The following SLC7A8 variants were observed in gnomAD, a reference collection of about 807,000 sequenced individuals.
The protein encoded by SLC7A8 is solute carrier family 7 member 8, also known as large neutral amino acids transporter small subunit 2.
SLC7A8 carries 30 observed loss-of-function variants against 51.2 expected under a neutral mutation model. The ratio of observed to expected loss-of-function variants is 0.59; its 90% confidence interval spans 0.44 to 0.80. The LOEUF is 0.80. Among genes scored for constraint, SLC7A8 ranks in the 30% least tolerant of loss-of-function variants. The pLI, the probability that SLC7A8 is intolerant of heterozygous loss-of-function variation, is 0.00. For missense variants in SLC7A8, 612 were observed against 674.4 expected, an observed-to-expected ratio of 0.91 and a Z score of 1.03; for synonymous variants, 257 against 275.8, an observed-to-expected ratio of 0.93 and a Z score of 0.67.
At chr14:23,178,263 G>A (rs533951800) in intron 1 of SLC7A8, among the ~76,000 whole-genome samples, 4 of 152,232 alleles carry the variant, frequency 2.6e-5, no homozygotes, top group East Asian at 1.9e-4. Flanking sequence ...GCTGTCCTCC[G>A]CACCCTCTTT....
At position 23,128,238 on chromosome 14, in the gene SLC7A8, C is replaced by T. The variant is rs201328469; in HGVS notation, c.1264-42G>A. ...TGAGGCGTATGAACTGTGTAGGCCA[C>T]GTGGCCCCCAGGACTAGGGACTGGG... is the stretch of plus-strand genomic sequence containing the variant. On this transcript the variant is annotated intron_variant, in intron 9 of 10. Coordinates refer to ENST00000316902, the MANE Select transcript of SLC7A8 (RefSeq NM_012244.4). This position sits in a 1 kb window ranked among gnomAD's most constrained non-coding sequence, Gnocchi z 4.3. The T allele has an allele frequency of 2.7e-4, 435 of 1,610,428 alleles. 1 individual carries two copies. The African/African-American group carries it at 4.2e-3, about 16-fold the overall frequency.
intron 3 of SLC7A8, among the ~76,000 whole-genome samples, chr14:23,162,055 G>A (rs1345528628): frequency 1.9e-4 from 28 of 150,682 alleles, no homozygotes; most frequent in Middle Eastern, 3.2e-3. Flanking sequence ...AAAGAAGAGA[G>A]GATTTGAGGG....
intron 3 of SLC7A8, 133 bp from the exon 4 acceptor site, chr14:23,143,337 C>T (rs1290083657): frequency 2.4e-6 from 3 of 1,264,582 alleles, no homozygotes; most frequent in Non-Finnish European, 3.3e-6. Flanking sequence ...CCAGCAAGCT[C>T]AACCCCAGGG....
chr14:23,182,630 T>G, intron 1 of SLC7A8, 134 bp downstream of exon 1: 4 of 918,228 alleles, frequency 4.4e-6, no homozygotes, highest in South Asian at 2.4e-5. Flanking sequence ...CCAGTGGAGG[T>G]GAGTTACAGC....
intron 1 of SLC7A8, among the ~76,000 whole-genome samples, chr14:23,179,574 G>A (rs1339668373): frequency 2.0e-5 from 3 of 151,872 alleles, no homozygotes; most frequent in South Asian, 4.2e-4. Context: ...CTGATAGGCC[G>A]AGGTGGGAGG....
intron 3 of SLC7A8, among the ~76,000 whole-genome samples, chr14:23,152,573 C>T (rs147859985): frequency 2.4e-4 from 37 of 151,884 alleles, no homozygotes; most frequent in Admixed American, 5.3e-4. Context: ...GCCACCAGGC[C>T]CAGCTAATTT....
intron 4 of SLC7A8, among the ~76,000 whole-genome samples, chr14:23,141,924 T>C (rs924247599): frequency 6.6e-6 from 1 of 152,220 alleles, no homozygotes; most frequent in Non-Finnish European, 1.5e-5. Flanking sequence ...ATGTTACTTA[T>C]TCATCTGCAG....
chr14:23,127,360 C>T lies in SLC7A8; in HGVS notation c.1442-17G>A, dbSNP rs957661881. 6.2e-7 allele frequency: 1 copy of T among 1,611,910 alleles called. No individual in the cohort carries two copies. The highest frequency in any genetic ancestry group is 8.5e-7 in the Non-Finnish European group (1 of 1,178,276). ...TTAGCAGCTCTGTAGGAAGAGATCA[C>T]ACAGAAACCAGGCCAATGCTGAGTA... On this transcript the variant is annotated splice_polypyrimidine_tract_variant and intron_variant, in intron 10 of 10. Transcript: ENST00000316902.
chr14:23,171,680 C>T (rs1173523660), intron 1 of SLC7A8, among the ~76,000 whole-genome samples: 1 of 152,188 alleles, frequency 6.6e-6, no homozygotes, highest in African/African-American at 2.4e-5. Flanking sequence ...GGTGAACCTG[C>T]TTTGTGTTTC....
intron 3 of SLC7A8, among the ~76,000 whole-genome samples, chr14:23,149,229 A>G (rs1373443055): frequency 6.6e-6 from 1 of 152,228 alleles, no homozygotes; most frequent in Non-Finnish European, 1.5e-5. Context: ...TTGGTAATTC[A>G]ATACAGTAGC....
At chr14:23,155,162 T>A in intron 3 of SLC7A8, 1 of 1,535,950 alleles carries the variant, frequency 6.5e-7, no homozygotes, top group Non-Finnish European at 8.7e-7. Context: ...CTCGAAGCAC[T>A]TACAACGTTT....
chr14:23,181,529 A>G (rs1877184547), intron 1 of SLC7A8, among the ~76,000 whole-genome samples: 1 of 152,084 alleles, frequency 6.6e-6, no homozygotes, highest in African/African-American at 2.4e-5. Context: ...GGTGAAGAGG[A>G]TTATCTGAAT....
chr14:23,163,440 C>G (rs945483498), intron 3 of SLC7A8, among the ~76,000 whole-genome samples: 1 of 152,216 alleles, frequency 6.6e-6, no homozygotes, highest in Non-Finnish European at 1.5e-5. Context: ...AATACACCCC[C>G]AAACAAATGT....
intron 5 of SLC7A8, among the ~76,000 whole-genome samples, chr14:23,139,857 AT>A (rs1193707236): frequency 6.6e-6 from 1 of 152,156 alleles, no homozygotes; most frequent in African/African-American, 2.4e-5. Context: ...AAATTAAAAA[AT>A]TAACTGGGCA....
chr14:23,128,615 G>T lies in SLC7A8; in HGVS notation c.1264-419C>A, dbSNP rs1265435132. ...GTGGCAATGCACAAGGTGCAGGCAG[G>T]AGACGATTCGAGTCACTCAGGCTCC... On this transcript the variant is annotated intron_variant, in intron 9 of 10. Coordinates refer to ENST00000316902, the MANE Select transcript of SLC7A8 (RefSeq NM_012244.4). The surrounding 1 kb of genome is among the most constrained non-coding windows in gnomAD (Gnocchi z 4.3). Among the ~76,000 whole-genome samples the T allele has an allele frequency of 6.6e-6, 1 of 152,198 alleles. No individual in the cohort carries two copies. The highest frequency in any genetic ancestry group is 1.5e-5 in the Non-Finnish European group (1 of 68,028).
chr14:23,136,483 A>C (rs754799288), intron 7 of SLC7A8, among the ~76,000 whole-genome samples: 3 of 152,206 alleles, frequency 2.0e-5, no homozygotes, highest in Non-Finnish European at 4.4e-5. Flanking sequence ...GACATTAAGC[A>C]TAACACACAT....
chr14:23,166,222 C>T lies in SLC7A8; in HGVS notation c.356+114G>A, dbSNP rs368833282. 127 of 1,089,772 alleles carry T rather than the reference C, an allele frequency of 1.2e-4. No homozygotes were observed. The African/African-American group carries it at 1.5e-3, about 13-fold the overall frequency. 67.5% of individuals were successfully genotyped at this position (1,089,772 alleles called of 1,614,324 possible). Reference sequence around the variant, plus strand: ...AGAGACATTCCATTCACTAGCACCCCGTGGCACACTGGAGACTGGAAACCC... The same window carrying T: ...AGAGACATTCCATTCACTAGCACCCTGTGGCACACTGGAGACTGGAAACCC... On this transcript the variant is annotated intron_variant, in intron 2 of 10. Coordinates refer to ENST00000316902, the MANE Select transcript of SLC7A8 (RefSeq NM_012244.4).
intron 3 of SLC7A8, among the ~76,000 whole-genome samples, chr14:23,155,874 C>T (rs2048888891): frequency 1.3e-5 from 2 of 152,206 alleles, no homozygotes; most frequent in Admixed American, 1.3e-4. Flanking sequence ...CTTGTAGGCT[C>T]TGTTGGTGTT....
intron 3 of SLC7A8, among the ~76,000 whole-genome samples, chr14:23,161,993 C>T (rs1365767025): frequency 3.5e-5 from 5 of 143,734 alleles, no homozygotes; most frequent in Non-Finnish European, 4.5e-5. Flanking sequence ...TACTGAATAC[C>T]GTATGAGAGG....
Sources: gnomAD v4.1 joint callset for allele counts (sites outside exome capture counted in the v4.1 genomes callset) on GRCh38, gnomAD v4.1.1 for gene constraint, Gnocchi (gnomAD v3.1) non-coding constraint, MANE v1.5 for transcripts, NCBI Gene and HGNC (gene_info 2026-07-23, HGNC 2026-07-21) for gene names.